TCF7: variants seen among roughly 807,000 people sequenced by gnomAD.
The protein encoded by TCF7 is T-cell-factor-7.
In TCF7, 19 loss-of-function variants were observed where a neutral mutation model predicts 46.8. The ratio of observed to expected loss-of-function variants is 0.41; its 90% CI spans 0.28 to 0.60. The LOEUF (loss-of-function observed/expected upper bound fraction) is 0.60, where lower values mean the gene tolerates loss of function less well. TCF7 is among the 20% of genes least tolerant of loss of function. TCF7 has a pLI of 0.35. For synonymous variants in TCF7, 245 were observed against 213.4 expected (o/e 1.15, Z -1.29); for missense variants, 547 against 504.6 (o/e 1.08, Z -0.81).
In TCF7 at chr5:134,146,494, A is replaced by G. The variant is rs761754634; in HGVS notation, c.*191A>G. 9.3e-6 allele frequency: 7 copies of G among 748,780 alleles called. No individual in the cohort carries two copies. The highest frequency in any genetic ancestry group is 1.7e-5 in the Non-Finnish European group (7 of 411,830). 46.4% of individuals were successfully genotyped at this position (748,780 alleles called of 1,614,324 possible). A position where few individuals can be genotyped will look rare whatever the true frequency, so the allele number is the denominator to read the frequency against. On this transcript the variant is annotated 3_prime_UTR_variant, in exon 10 of 10. Coordinates refer to ENST00000342854, the MANE Select transcript of TCF7 (RefSeq NM_003202.5). ...CCCTGCAGAGCACACAGGTACAGCA[A>G]CAGGAATCTCAGAGACAGGTGGCCT...
chr5:134,143,389 G>GA (rs1760170851), intron 8 of TCF7: 2 of 796,856 alleles, frequency 2.5e-6, no homozygotes, highest in East Asian at 4.8e-5. Flanking sequence ...ATTCAAACTG[G>GA]AGACCAGATT....
chr5:134,145,928 A>G, intron 9 of TCF7: 1 of 1,505,926 alleles, frequency 6.6e-7, no homozygotes, highest in Middle Eastern at 2.2e-4. Context: ...CGGGACTGGG[A>G]GATGACTCCC....
chr5:134,146,056 G>C, intron 9 of TCF7, 168 bp from the exon 10 acceptor site: 2 of 1,563,428 alleles, frequency 1.3e-6, no homozygotes, highest in Non-Finnish European at 1.7e-6. Context: ...CCTAGGTCTG[G>C]GCCAGACCAA....
In TCF7 at chr5:134,115,032, CG is replaced by C; in HGVS notation, c.128del (p.Gly43ValfsTer14). 8.0e-7 allele frequency: 1 copy of C among 1,249,322 alleles called. No homozygotes were observed. Among genetic ancestry groups the C allele is most frequent in the Admixed American group, 2.8e-5 (1 of 36,114 alleles). 77.4% of individuals were successfully genotyped at this position (1,249,322 alleles called of 1,614,324 possible). A position where few individuals can be genotyped will look rare whatever the true frequency, so the allele number is the denominator to read the frequency against. ...QDDKSRDSAA[G>X]PERDLAELKS... The stretch of plus-strand genomic sequence containing the variant: ...ACGACAAGAGCCGCGACAGCGCCGC[CG>C]GTCCCGAGCGCGACCTGGCCGAGCT... On this transcript the variant is annotated frameshift_variant, in exon 1 of 10. Transcript: ENST00000342854. LOFTEE classifies it high-confidence loss of function.
intron 3 of TCF7, among the ~76,000 whole-genome samples, chr5:134,117,656 G>T (rs1235693825): frequency 1.3e-5 from 2 of 152,202 alleles, no homozygotes; most frequent in Admixed American, 1.3e-4. Context: ...GGACCATTTG[G>T]TGTCCTTTGG....
chr5:134,125,140 A>G (rs1757170152), intron 3 of TCF7, among the ~76,000 whole-genome samples: 1 of 152,160 alleles, frequency 6.6e-6, no homozygotes, highest in Non-Finnish European at 1.5e-5. Context: ...ACCAGGCAAG[A>G]AGGGGTCATG....
chr5:134,126,616 C>T (rs1300855732), intron 3 of TCF7, among the ~76,000 whole-genome samples: 1 of 152,200 alleles, frequency 6.6e-6, no homozygotes, highest in Non-Finnish European at 1.5e-5. Context: ...TTGTACAAGT[C>T]GGTAGGGCAC....
In TCF7 at chr5:134,115,526, TG is replaced by T. The variant is rs545488467; in HGVS notation, c.316+145del. 411 of 1,441,766 alleles carry T rather than the reference TG, an allele frequency of 2.9e-4. 1 individual carries two copies. In the East Asian group the frequency reaches 0.01, roughly 37 times the overall value. The allele number at this position is 1,441,766 out of a possible 1,614,324, so 89.3% of individuals were successfully genotyped here. A position where few individuals can be genotyped will look rare whatever the true frequency, so the allele number is the denominator to read the frequency against. Reference sequence around the variant, plus strand: ...GGCGGCAGAACCCAGGGGTGGAGAGTGGGGGGCGGGCTTCCCGGGCGCCGCC... The same window carrying T: ...GGCGGCAGAACCCAGGGGTGGAGAGTGGGGGCGGGCTTCCCGGGCGCCGCC... On this transcript the variant is annotated intron_variant, in intron 2 of 9. Transcript: ENST00000342854.
intron 3 of TCF7, among the ~76,000 whole-genome samples, chr5:134,129,416 G>A (rs115412200): frequency 0.013 from 2,026 of 152,272 alleles, 36 homozygotes; most frequent in African/African-American, 0.045. Flanking sequence ...GCCTTGCCTC[G>A]GTCCACGGTG....
At chr5:134,115,770 GAT>G in intron 2 of TCF7, 137 bp from the exon 3 acceptor site, 1 of 1,486,484 alleles carries the variant, frequency 6.7e-7, no homozygotes, top group South Asian at 1.4e-5. Context: ...TGGCACTGCC[GAT>G]ACTCCCAGCC....
Position 134,142,086 on chromosome 5 carries a change from C to T in TCF7, c.636-99C>T, listed in dbSNP as rs774576983. The T allele has an allele frequency of 3.2e-6, 5 of 1,540,792 alleles. No individual in the cohort carries two copies. In the Admixed American group the frequency reaches 6.9e-5, roughly 21 times the overall value. ...TAGGATAGAGTATCTATCTGTTCAC[C>T]TGTGTCCTCAAGTTATGTATTATGC... On this transcript the variant is annotated intron_variant, in intron 5 of 9. Transcript: ENST00000342854.
At chr5:134,138,631 G>A in intron 4 of TCF7, 1 of 326,888 alleles carries the variant, frequency 3.1e-6, no homozygotes, top group South Asian at 6.1e-5. Flanking sequence ...CCAGGGGCCT[G>A]CCTCCTGCCC....
intron 5 of TCF7, chr5:134,141,043 G>A (rs1759672925): frequency 3.2e-6 from 1 of 316,374 alleles, no homozygotes; most frequent in African/African-American, 2.2e-5. Context: ...CTGTGCCTGA[G>A]AATGAAGCTA....
chr5:134,130,985 C>T (rs932894510), intron 3 of TCF7, among the ~76,000 whole-genome samples: 3 of 152,202 alleles, frequency 2.0e-5, no homozygotes, highest in African/African-American at 4.8e-5. Context: ...GGGATGTGAG[C>T]ATGGCAAGGG....
intron 5 of TCF7, 196 bp from the exon 6 acceptor site, chr5:134,141,989 T>C (rs1759857340): frequency 3.4e-6 from 2 of 589,866 alleles, no homozygotes; most frequent in Non-Finnish European, 5.4e-6. Context: ...ATGTAGATTT[T>C]TGCAGTGTGT....
chr5:134,112,060 T>C (rs1169185805), upstream of TCF7, among the ~76,000 whole-genome samples: 1 of 151,234 alleles, frequency 6.6e-6, no homozygotes, highest in East Asian at 2.0e-4. Flanking sequence ...GGTGAAGGAA[T>C]CAGTGCTGAC....
the TCF7 span, among the ~76,000 whole-genome samples, chr5:134,108,995 G>T: frequency 8.9e-3 from 1,350 of 152,314 alleles, 14 homozygotes; most frequent in South Asian, 0.016. Context: ...AAAACAGCCA[G>T]GAGGGTTTCT....
At chr5:134,121,354 TG>T (rs958530513) in intron 3 of TCF7, among the ~76,000 whole-genome samples, 3 of 148,256 alleles carry the variant, frequency 2.0e-5, no homozygotes, top group Admixed American at 6.7e-5. Context: ...GAGGCCAAGG[TG>T]GGTGGATCAT....
At chr5:134,142,438 GTAGGA>G in intron 6 of TCF7, 134 bp downstream of exon 6, 1 of 408,756 alleles carries the variant, frequency 2.4e-6, no homozygotes, top group Non-Finnish European at 4.0e-6. Context: ...ATCCTCAGAA[GTAGGA>G]GGGGGTGGGT....
Sources: gnomAD v4.1 joint callset for allele counts (sites outside exome capture counted in the v4.1 genomes callset) on GRCh38, gnomAD v4.1.1 for gene constraint, MANE v1.5 for transcripts, NCBI Gene and HGNC (gene_info 2026-07-23, HGNC 2026-07-21) for gene names.